ITGB5: variants seen among roughly 807,000 people sequenced by gnomAD.
ITGB5 encodes integrin beta-5.
In ITGB5, 38 loss-of-function variants were observed where a neutral mutation model predicts 84.8. The ratio of observed to expected loss-of-function variants is 0.45; its 90% CI spans 0.35 to 0.59. ITGB5 has a LOEUF of 0.59. Among genes scored for constraint, ITGB5 ranks in the 20% least tolerant of loss-of-function variants. The pLI, the probability that ITGB5 is intolerant of heterozygous loss-of-function variation, is 0.01. For missense variants in ITGB5, 905 were observed against 1,034.5 expected (o/e 0.87, Z 1.72); for synonymous variants, 393 against 414.4 (o/e 0.95, Z 0.63).
chr3:124,892,238 C>T (rs1935015994), upstream of ITGB5, among the ~76,000 whole-genome samples: 1 of 151,904 alleles, frequency 6.6e-6, no homozygotes, highest in Non-Finnish European at 1.5e-5. Flanking sequence ...AAGTGATCTG[C>T]CTGCCTCGGC....
chr3:124,843,904 T>A (rs762568029), intron 4 of ITGB5, among the ~76,000 whole-genome samples: 4 of 151,966 alleles, frequency 2.6e-5, no homozygotes, highest in Non-Finnish European at 5.9e-5. Flanking sequence ...GGAGTGTCTG[T>A]ATGTATAAAA....
chr3:124,771,357 T>C (rs138675306), intron 11 of ITGB5, among the ~76,000 whole-genome samples: 1,998 of 152,192 alleles, frequency 0.013, 22 homozygotes, highest in South Asian at 0.044. Context: ...CAGACTCTGA[T>C]GTAAGTCACC....
Position 124,773,823 on chromosome 3 carries a change from G to A in ITGB5, c.1783C>T (p.Arg595Trp), listed in dbSNP as rs753371523. Residue 595 changes from arginine to tryptophan, a missense_variant, in exon 11 of 15, where the codon CGG becomes TGG. Arg to Trp is a moderately radical substitution (Grantham distance 101). Coordinates refer to ENST00000296181, the MANE Select transcript of ITGB5 (RefSeq NM_002213.5). ...CNCSTDISTCRGRDGQICSER... is the reference protein window; with the variant it reads ...CNCSTDISTCWGRDGQICSER... ...CTGCAGATCTGGCCATCTCTGCCCC[G>A]GCATGTGCTGATGTCTGTCGAGCAG... The A allele has an allele frequency of 1.7e-5, 27 of 1,613,980 alleles. No homozygotes were observed. Among genetic ancestry groups the A allele is most frequent in the Admixed American group, 5.0e-5 (3 of 60,004 alleles).
intron 2 of ITGB5, among the ~76,000 whole-genome samples, chr3:124,864,328 G>A (rs112624138): frequency 9.2e-5 from 14 of 151,892 alleles, no homozygotes; most frequent in African/African-American, 1.9e-4. Context: ...GAATAGTCTC[G>A]ATCTCCTGAC....
chr3:124,821,881 G>C (rs2064710033), intron 5 of ITGB5, among the ~76,000 whole-genome samples: 1 of 131,766 alleles, frequency 7.6e-6, no homozygotes, highest in South Asian at 2.6e-4. Flanking sequence ...AACATCCCCT[G>C]GTTGGCTGGG....
intron 3 of ITGB5, among the ~76,000 whole-genome samples, chr3:124,849,657 T>C (rs1046394629): frequency 1.3e-5 from 2 of 151,938 alleles, no homozygotes; most frequent in South Asian, 2.1e-4. Context: ...TACAATAAGA[T>C]AGCCAACAGG....
intron 8 of ITGB5, chr3:124,809,482 A>C: frequency 4.2e-6 from 1 of 238,022 alleles, no homozygotes. Context: ...TCTCATCCCC[A>C]TCCTCGGCTT....
chr3:124,767,754 G>A (rs898155718), intron 12 of ITGB5, among the ~76,000 whole-genome samples: 1 of 152,254 alleles, frequency 6.6e-6, no homozygotes, highest in African/African-American at 2.4e-5. Flanking sequence ...CAACGAATAT[G>A]TGCTGGATGC....
intron 2 of ITGB5, among the ~76,000 whole-genome samples, chr3:124,867,063 CCCT>C (rs1453200257): frequency 1.3e-5 from 2 of 152,134 alleles, no homozygotes; most frequent in Admixed American, 6.5e-5. Flanking sequence ...TCACCTGTCT[CCCT>C]CCTCATGCTC....
At chr3:124,817,598 G>C in intron 8 of ITGB5, 23 bp downstream of exon 8, 1 of 1,322,118 alleles carries the variant, frequency 7.6e-7, no homozygotes, top group Non-Finnish European at 1.1e-6. Context: ...AGGTGGCAGT[G>C]GGGGAAGAAA....
intron 13 of ITGB5, among the ~76,000 whole-genome samples, chr3:124,765,747 A>T (rs922743969): frequency 8.5e-5 from 13 of 152,172 alleles, no homozygotes; most frequent in Non-Finnish European, 1.3e-4. Context: ...CAGTGACCTC[A>T]GATCTGGTCT....
intron 1 of ITGB5, among the ~76,000 whole-genome samples, chr3:124,893,213 G>A (rs144099275): frequency 0.018 from 2,727 of 152,148 alleles, 40 homozygotes; most frequent in Non-Finnish European, 0.031. Flanking sequence ...TTCGAGACCC[G>A]CCTGGCCAAC....
chr3:124,770,904 C>T (rs1187837240), intron 11 of ITGB5, among the ~76,000 whole-genome samples: 1 of 151,788 alleles, frequency 6.6e-6, no homozygotes, highest in Admixed American at 6.6e-5. Flanking sequence ...ATCCCCCACC[C>T]TCCCCCTGCA....
intron 9 of ITGB5, among the ~76,000 whole-genome samples, chr3:124,797,029 A>G (rs3772832): frequency 0.17 from 25,850 of 152,144 alleles, 2,429 homozygotes; most frequent in Admixed American, 0.25. Flanking sequence ...GTGAGCTCAC[A>G]TTTGACAGGT....
chr3:124,809,241 T>C (rs1474253753), intron 8 of ITGB5, 85 bp from the exon 9 acceptor site: 2 of 1,478,782 alleles, frequency 1.4e-6, no homozygotes, highest in African/African-American at 2.8e-5. Context: ...GAGGCCCACG[T>C]GGCTTCCTCT....
intron 5 of ITGB5, among the ~76,000 whole-genome samples, chr3:124,838,804 C>T (rs950775630): frequency 2.0e-5 from 3 of 152,048 alleles, no homozygotes; most frequent in Non-Finnish European, 2.9e-5. Flanking sequence ...GGTTTCACCG[C>T]GTTAGCCAGG....
At chr3:124,780,138 G>A in intron 10 of ITGB5, among the ~76,000 whole-genome samples, 1 of 122,916 alleles carries the variant, frequency 8.1e-6, no homozygotes, top group African/African-American at 4.3e-5. Context: ...AGGCCTCTGA[G>A]GCAGGGCACA....
intron 10 of ITGB5, chr3:124,780,660 C>CACAT (rs2063990874): frequency 6.6e-6 from 1 of 151,384 alleles, no homozygotes; most frequent in Non-Finnish European, 1.5e-5. Flanking sequence ...GTGTCTCCTG[C>CACAT]ACATACACTC....
chr3:124,801,627 T>C (rs923651620), intron 9 of ITGB5, among the ~76,000 whole-genome samples: 1 of 152,154 alleles, frequency 6.6e-6, no homozygotes, highest in Non-Finnish European at 1.5e-5. Flanking sequence ...GTGTCTGCTT[T>C]TCCTAATCCC....
Sources: allele counts gnomAD v4.1 joint callset (sites outside exome capture counted in the v4.1 genomes callset), GRCh38; gene constraint gnomAD v4.1.1; transcripts MANE v1.5; gene names NCBI Gene and HGNC (gene_info 2026-07-23, HGNC 2026-07-21).